ZFPM1: variants seen among roughly 807,000 people sequenced by gnomAD.
The protein encoded by ZFPM1 is zinc finger protein ZFPM1.
Under a neutral mutation model 46.3 loss-of-function variants are expected in ZFPM1, and 28 were observed. The ratio of observed to expected loss-of-function variants is 0.60; its 90% confidence interval spans 0.45 to 0.83. The LOEUF is 0.83. Among genes scored for constraint, ZFPM1 ranks in the 40% least tolerant of loss-of-function variants. The pLI, the probability that ZFPM1 is intolerant of heterozygous loss-of-function variation, is 0.00. For synonymous variants in ZFPM1, 957 were observed against 675.9 expected, an observed-to-expected ratio of 1.42 and a Z score of -6.45; for missense variants, 1,878 against 1,432.4, an observed-to-expected ratio of 1.31 and a Z score of -5.02.
intron 6 of ZFPM1, among the ~76,000 whole-genome samples, chr16:88,529,301 G>A (rs927499461): frequency 2.0e-5 from 3 of 152,216 alleles, no homozygotes; most frequent in Non-Finnish European, 4.4e-5. Flanking sequence ...GGAGGGGGAC[G>A]GTAAGACTCA....
intron 1 of ZFPM1, among the ~76,000 whole-genome samples, chr16:88,461,163 A>ATGACCGAGGGGTGGGGCGGGAGG (rs1907850812): frequency 6.0e-4 from 24 of 39,854 alleles, no homozygotes; most frequent in Non-Finnish European, 8.7e-4. Flanking sequence ...GGGGCGGGAG[A>ATGACCGAGGGGTGGGGCGGGAGG]CCTGGTGAGG....
chr16:88,505,564 C>T (rs1413253544), intron 3 of ZFPM1, among the ~76,000 whole-genome samples: 5 of 152,146 alleles, frequency 3.3e-5, no homozygotes, highest in East Asian at 1.9e-4. Flanking sequence ...TGGGAGGGGC[C>T]GGCATCGCCC....
chr16:88,501,138 A>C (rs12927521), intron 3 of ZFPM1, among the ~76,000 whole-genome samples: 15,481 of 79,952 alleles, frequency 0.19, 1,112 homozygotes, highest in East Asian at 0.28. Flanking sequence ...TGCGGGGGCC[A>C]TCCCGCAGGT....
At position 88,453,316 on chromosome 16, in the gene ZFPM1, C is replaced by G. The variant is rs1274482898; in HGVS notation, c.-323C>G. 6.8e-6 allele frequency: 1 copy of G among 146,816 alleles called. No individual in the cohort carries two copies. Among genetic ancestry groups the G allele is most frequent in the Non-Finnish European group, 1.5e-5 (1 of 65,968 alleles). The allele number at this position is 146,816 out of a possible 1,614,324, so 9.1% of individuals were successfully genotyped here. On this transcript the variant is annotated 5_prime_UTR_variant, in exon 1 of 10. Coordinates refer to ENST00000319555, the MANE Select transcript of ZFPM1 (RefSeq NM_153813.3). ...AGCGCCCTCGCAGTGGCCGCCTGCT[C>G]CGCCGCTCGCCGCCCGCGGGTTCCA...
At chr16:88,493,118 TGG>T (rs1909689151) in intron 3 of ZFPM1, among the ~76,000 whole-genome samples, 3 of 90,050 alleles carry the variant, frequency 3.3e-5, no homozygotes, top group African/African-American at 1.2e-4. Context: ...TGTCCCGGGG[TGG>T]GGGGAGCTGT....
chr16:88,518,086 C>A (rs1223015180), intron 4 of ZFPM1, among the ~76,000 whole-genome samples: 1 of 151,948 alleles, frequency 6.6e-6, no homozygotes, highest in Admixed American at 6.6e-5. Context: ...GCGCCTGTAG[C>A]CCCAGCTACT....
At position 88,532,012 on chromosome 16, in the gene ZFPM1, C is replaced by G. The variant is rs747220840; in HGVS notation, c.723C>G (p.Phe241Leu). The change falls in exon 7 of 10, where the codon TTC becomes TTG. Residue 241 changes from phenylalanine to leucine, a missense_variant. Coordinates refer to ENST00000319555, the MANE Select transcript of ZFPM1 (RefSeq NM_153813.3). The stretch of plus-strand genomic sequence containing the variant: ...CTTCCCACCCCACAGAAGACGTCTT[C>G]CCCTGCAAGGACTGTGGCATCTGGT... ...LATAVINKDV[F>L]PCKDCGIWYR... 5.0e-6 allele frequency: 8 copies of G among 1,603,966 alleles called. No individual in the cohort carries two copies. The highest frequency in any genetic ancestry group is 1.7e-5 in the Admixed American group (1 of 59,566).
At chr16:88,467,018 C>T (rs1186741020) in intron 1 of ZFPM1, among the ~76,000 whole-genome samples, 3 of 152,092 alleles carry the variant, frequency 2.0e-5, no homozygotes, top group Non-Finnish European at 4.4e-5. Context: ...GGGGTGGGGC[C>T]ACCTCTCCAA....
intron 2 of ZFPM1, 129 bp from the exon 3 acceptor site, chr16:88,488,902 A>T: frequency 7.1e-7 from 1 of 1,402,636 alleles, no homozygotes; most frequent in Non-Finnish European, 9.5e-7. Flanking sequence ...GCACCAGGAG[A>T]TGGGGGTGGC....
rs1913091944 is a variant in ZFPM1 at position 88,534,307 on chromosome 16, T to C, written c.2349T>C (p.Pro783=). Residue 783 remains proline, a synonymous_variant, in exon 10 of 10, where the codon CCT becomes CCC. Coordinates refer to ENST00000319555, the MANE Select transcript of ZFPM1 (RefSeq NM_153813.3). The part of the protein sequence containing the change: ...SGSGSGPGLA[P]ARSPGPAADG... Reference sequence around the variant, plus strand: ...GCGGAAGCGGCCCCGGCCTCGCCCCTGCGCGCTCGCCCGGCCCCGCGGCCG... The same window carrying C: ...GCGGAAGCGGCCCCGGCCTCGCCCCCGCGCGCTCGCCCGGCCCCGCGGCCG... 2 of 1,288,906 alleles carry C rather than the reference T, an allele frequency of 1.6e-6. No individual in the cohort carries two copies. The highest frequency in any genetic ancestry group is 3.8e-5 in the East Asian group (1 of 26,596). The allele number at this position is 1,288,906 out of a possible 1,614,324, so 79.8% of individuals were successfully genotyped here. A position where few individuals can be genotyped will look rare whatever the true frequency, so the allele number is the denominator to read the frequency against.
At chr16:88,491,676 G>A (rs556587666) in intron 3 of ZFPM1, among the ~76,000 whole-genome samples, 3 of 152,354 alleles carry the variant, frequency 2.0e-5, no homozygotes, top group Admixed American at 6.5e-5. Context: ...GAGGCCGGCC[G>A]TGGTTTGGGG....
intron 4 of ZFPM1, among the ~76,000 whole-genome samples, chr16:88,526,591 A>G (rs1912342516): frequency 6.6e-6 from 1 of 152,164 alleles, no homozygotes; most frequent in South Asian, 2.1e-4. Flanking sequence ...ACTCCCTGCC[A>G]AGCCTCCCAG....
intron 4 of ZFPM1, among the ~76,000 whole-genome samples, chr16:88,525,425 C>T (rs1284825511): frequency 6.6e-6 from 1 of 152,206 alleles, no homozygotes; most frequent in Non-Finnish European, 1.5e-5. Flanking sequence ...CCCGGGCCAG[C>T]GGCAGCATTT....
chr16:88,479,157 T>C (rs1173169203), intron 1 of ZFPM1, among the ~76,000 whole-genome samples: 1 of 152,102 alleles, frequency 6.6e-6, no homozygotes, highest in Non-Finnish European at 1.5e-5. Context: ...GTCCTGAGGG[T>C]GTGGGCGGTG....
At chr16:88,493,140 G>GGGAGAGCTGTCCCGGGGTGA (rs1909693770) in intron 3 of ZFPM1, among the ~76,000 whole-genome samples, 2 of 79,856 alleles carry the variant, frequency 2.5e-5, no homozygotes, top group Non-Finnish European at 5.3e-5. Context: ...TCCCGGGGTG[G>GGGAGAGCTGTCCCGGGGTGA]GGAGAGCTGT....
intron 1 of ZFPM1, among the ~76,000 whole-genome samples, chr16:88,461,278 G>GCCCTGGTGAGGACCGACGGGTGCGAGGC (rs199530031): frequency 1.3e-4 from 20 of 150,354 alleles, no homozygotes; most frequent in Non-Finnish European, 2.8e-4. Context: ...CGGGTGCGAG[G>GCCCTGGTGAGGACCGACGGGTGCGAGGC]CCTGGTGAGG....
chr16:88,453,063 C>G (rs1217227746), upstream of ZFPM1, among the ~76,000 whole-genome samples: 1 of 148,134 alleles, frequency 6.8e-6, no homozygotes, highest in Non-Finnish European at 1.5e-5. Flanking sequence ...GAGCCAGCGC[C>G]GTAAAGAGCG....
At chr16:88,499,384 C>T (rs979389200) in intron 3 of ZFPM1, among the ~76,000 whole-genome samples, 1 of 102,340 alleles carries the variant, frequency 9.8e-6, no homozygotes, top group East Asian at 3.8e-4. Flanking sequence ...AGAGCAGCCG[C>T]GGAGGAGAAG....
chr16:88,534,025 C>A lies in ZFPM1; in HGVS notation c.2067C>A (p.Asn689Lys), dbSNP rs777810523. 7.4e-7 allele frequency: 1 copy of A among 1,357,034 alleles called. No homozygotes were observed. 84.1% of individuals were successfully genotyped at this position (1,357,034 alleles called of 1,614,324 possible). ...DPSRTLCEACNIRFSRHETYT... is the reference protein window; with the variant it reads ...DPSRTLCEACKIRFSRHETYT... The stretch of plus-strand genomic sequence containing the variant: ...GCCGCACGCTGTGCGAGGCCTGCAA[C>A]ATCCGCTTCAGCCGCCACGAGACCT... The change falls in exon 10 of 10, where the codon AAC becomes AAA. Residue 689 changes from asparagine (N) to lysine (K), a missense_variant. By Grantham distance (94) the Asn-to-Lys change is moderately conservative (BLOSUM62 0). Transcript: ENST00000319555.
Sources: allele counts gnomAD v4.1 joint callset (sites outside exome capture counted in the v4.1 genomes callset), GRCh38; gene constraint gnomAD v4.1.1; transcripts MANE v1.5; gene names NCBI Gene and HGNC (gene_info 2026-07-23, HGNC 2026-07-21).